Variants in CPXM2 observed in about 807,000 individuals in gnomAD.
The protein encoded by CPXM2 is carboxypeptidase X, M14 family member 2.
In CPXM2, 66 loss-of-function variants were observed where a neutral mutation model predicts 86.1. The observed-to-expected ratio is 0.77, with a 90% CI of 0.63 to 0.94. CPXM2 has a LOEUF of 0.94. Ranked by LOEUF, CPXM2 falls within the 40% of genes least tolerant of loss-of-function variation. The probability of loss-of-function intolerance (pLI) is 0.00; values close to 1 mark genes in which losing one functional copy is unlikely to be tolerated. For missense variants in CPXM2, 948 were observed against 1,026.3 expected, an observed-to-expected ratio of 0.92 and a Z score of 1.04; for synonymous variants, 388 against 400.2, an observed-to-expected ratio of 0.97 and a Z score of 0.36.
intron 6 of CPXM2, among the ~76,000 whole-genome samples, chr10:123,786,820 C>T (rs1847067814): frequency 6.6e-6 from 1 of 152,194 alleles, no homozygotes; most frequent in African/African-American, 2.4e-5. Flanking sequence ...ACGTCGCCTC[C>T]TCTATTCCCT....
rs543400220 is a variant in CPXM2, at chr10:123,930,387, C to A, written n.174+9090G>T. Among the ~76,000 whole-genome samples the A allele has an allele frequency of 2.6e-4, 40 of 152,312 alleles. No individual in the cohort carries two copies. The Middle Eastern group carries it at 0.017, about 65-fold the overall frequency. On this transcript the variant is annotated intron_variant and non_coding_transcript_variant, in intron 2 of 19. Coordinates refer to the CPXM2 transcript ENST00000368854. ...ACTGGGGTGTGCTGCTTCCAGCAGC[C>A]CCATGACTCCAGCTTAGTTTATCTT...
chr10:123,822,724 A>AAAT (rs10603506), intron 4 of CPXM2, among the ~76,000 whole-genome samples: 10,245 of 149,866 alleles, frequency 0.068, 413 homozygotes, highest in South Asian at 0.1. Context: ...ATGGACCTGA[A>AAAT]AATAATAATA....
chr10:123,803,382 G>C (rs1847505066), intron 4 of CPXM2, among the ~76,000 whole-genome samples: 2 of 151,890 alleles, frequency 1.3e-5, no homozygotes, highest in South Asian at 4.1e-4. Context: ...AGAGTGCTGG[G>C]ATTATAGGTG....
At chr10:123,772,775 C>T (rs552703166) in intron 7 of CPXM2, among the ~76,000 whole-genome samples, 72 of 151,868 alleles carry the variant, frequency 4.7e-4, no homozygotes, top group Admixed American at 1.8e-3. Flanking sequence ...GTTATCAGCT[C>T]CCTGGTTGTG....
At chr10:123,912,321 G>GA (rs1402412849) in intron 2 of CPXM2, among the ~76,000 whole-genome samples, 7 of 120,372 alleles carry the variant, frequency 5.8e-5, no homozygotes, top group Non-Finnish European at 1.0e-4. Flanking sequence ...GGGGGGGGGG[G>GA]CAGGCATTCC....
upstream of CPXM2, among the ~76,000 whole-genome samples, chr10:123,896,331 G>C (rs998597562): frequency 6.6e-6 from 1 of 152,170 alleles, no homozygotes; most frequent in African/African-American, 2.4e-5. Flanking sequence ...TAAAAATATA[G>C]TCTTGAGATG....
At chr10:123,751,138 T>A in intron 13 of CPXM2, 4 of 846,060 alleles carry the variant, frequency 4.7e-6, no homozygotes, top group Non-Finnish European at 5.7e-6. Context: ...ACAGGTATTT[T>A]GCCTGAGCGT....
intron 2 of CPXM2, among the ~76,000 whole-genome samples, chr10:123,914,443 A>C (rs920554501): frequency 6.6e-6 from 1 of 152,262 alleles, no homozygotes; most frequent in Admixed American, 6.5e-5. Flanking sequence ...CTGTGGCTTT[A>C]AATTCTTGCA....
chr10:123,751,296 G>A (rs955602137), intron 13 of CPXM2, among the ~76,000 whole-genome samples: 1 of 152,192 alleles, frequency 6.6e-6, no homozygotes, highest in Non-Finnish European at 1.5e-5. Flanking sequence ...GACCCCCCGA[G>A]TAGAGAGCAG....
chr10:123,811,672 TA>T (rs2134093561), intron 4 of CPXM2, among the ~76,000 whole-genome samples: 1 of 152,312 alleles, frequency 6.6e-6, no homozygotes, highest in South Asian at 2.1e-4. Flanking sequence ...TGAGAGAATC[TA>T]TTTTGAGCAT....
At chr10:123,747,921 C>CAAAAA (rs59206856) in intron 13 of CPXM2, among the ~76,000 whole-genome samples, 4 of 72,026 alleles carry the variant, frequency 5.6e-5, no homozygotes, top group Admixed American at 1.7e-4. Context: ...GACTCTGTCT[C>CAAAAA]AAAAAAAAAA....
intron 9 of CPXM2, among the ~76,000 whole-genome samples, chr10:123,767,544 A>G (rs190704791): frequency 6.6e-6 from 1 of 152,316 alleles, no homozygotes; most frequent in African/African-American, 2.4e-5. Context: ...CTGGCTCACT[A>G]TTTAGCAATG....
chr10:123,770,512 T>C (rs1000623798), intron 8 of CPXM2, among the ~76,000 whole-genome samples: 1 of 152,178 alleles, frequency 6.6e-6, no homozygotes, highest in Non-Finnish European at 1.5e-5. Flanking sequence ...ACAGGAAATA[T>C]CTAAAAATAT....
intron 1 of CPXM2, among the ~76,000 whole-genome samples, chr10:123,889,663 AG>A (rs1337095951): frequency 6.6e-6 from 1 of 152,224 alleles, no homozygotes; most frequent in East Asian, 1.9e-4. Flanking sequence ...GACAAAGTAA[AG>A]TGAGGTGGCA....
intron 2 of CPXM2, among the ~76,000 whole-genome samples, chr10:123,901,429 TTG>T (rs3069582): frequency 0.031 from 4,325 of 138,932 alleles, 54 homozygotes; most frequent in Middle Eastern, 0.062. Flanking sequence ...CCAAGCAAGT[TTG>T]TGTGTGTGTG....
chr10:123,873,097 G>T (rs1944919592), intron 2 of CPXM2, among the ~76,000 whole-genome samples: 1 of 152,020 alleles, frequency 6.6e-6, no homozygotes, highest in Admixed American at 6.6e-5. Flanking sequence ...AAAGGTATAA[G>T]AATTGAAAAG....
chr10:123,887,859 T>C (rs1297573479), intron 1 of CPXM2, among the ~76,000 whole-genome samples: 3 of 152,212 alleles, frequency 2.0e-5, no homozygotes, highest in African/African-American at 7.2e-5. Flanking sequence ...ATTTTTGCAA[T>C]TTCCTGTGAG....
intron 4 of CPXM2, among the ~76,000 whole-genome samples, chr10:123,815,699 C>T (rs1847799839): frequency 6.6e-6 from 1 of 152,132 alleles, no homozygotes; most frequent in African/African-American, 2.4e-5. Context: ...GGAGCCACCC[C>T]CAACACCCCT....
At chr10:123,905,833 T>A (rs1425812874) in intron 2 of CPXM2, among the ~76,000 whole-genome samples, 1 of 151,876 alleles carries the variant, frequency 6.6e-6, no homozygotes, top group Non-Finnish European at 1.5e-5. Context: ...GCGTTCTGAC[T>A]CCTCACCCAG....
Sources: gnomAD v4.1 joint callset for allele counts (sites outside exome capture counted in the v4.1 genomes callset) on GRCh38, gnomAD v4.1.1 for gene constraint, MANE v1.5 for transcripts, NCBI Gene and HGNC (gene_info 2026-07-23, HGNC 2026-07-21) for gene names.